Variants in SOHLH1 observed in about 807,000 individuals in gnomAD.
SOHLH1 encodes spermatogenesis- and oogenesis-specific basic helix-loop-helix-containing protein 1.
In SOHLH1, 23 loss-of-function variants were observed where a neutral mutation model predicts 36.2. The observed-to-expected ratio is 0.64, with a 90% CI of 0.46 to 0.90. SOHLH1 has a LOEUF of 0.90. SOHLH1 is among the 40% of genes least tolerant of loss of function. The probability of loss-of-function intolerance (pLI) is 0.00; values close to 1 mark genes in which losing one functional copy is unlikely to be tolerated. For missense variants in SOHLH1, 608 were observed against 517.0 expected (o/e 1.18, Z -1.71); for synonymous variants, 289 against 228.3 (o/e 1.27, Z -2.40).
intron 2 of SOHLH1, among the ~76,000 whole-genome samples, chr9:135,698,677 G>A (rs531485219): frequency 2.0e-5 from 3 of 152,256 alleles, no homozygotes; most frequent in Admixed American, 6.5e-5. Flanking sequence ...GGACCTCGGC[G>A]ACAGGCTGTC....
chr9:135,697,967 G>T (rs1257090733), intron 3 of SOHLH1, among the ~76,000 whole-genome samples: 6 of 42,592 alleles, frequency 1.4e-4, no homozygotes, highest in Non-Finnish European at 2.2e-4. Flanking sequence ...AGAGGGGAGA[G>T]GAGCCTCTCT....
chr9:135,698,615 G>A (rs1834905632), intron 2 of SOHLH1, 139 bp from the exon 3 acceptor site: 1 of 1,259,032 alleles, frequency 7.9e-7, no homozygotes, highest in Non-Finnish European at 1.1e-6. Flanking sequence ...AGCTGCCCCC[G>A]TGGTCTGAAG....
Position 135,695,281 on chromosome 9 carries a change from T to C in SOHLH1, c.662-18A>G, listed in dbSNP as rs766856400. The C allele has an allele frequency of 7.0e-6, 11 of 1,576,748 alleles. No homozygotes were observed. In the Admixed American group the frequency reaches 2.0e-4, roughly 29 times the overall value. On this transcript the variant is annotated intron_variant, in intron 5 of 7. Transcript: ENST00000425225. ...GGAAGGTTCTGGGAGAGAAGTCAGA[T>C]GCGGGTCAGCCTTCCCTGCCCAGCC...
At chr9:135,697,316 G>A (rs973958390) in intron 4 of SOHLH1, among the ~76,000 whole-genome samples, 190 bp downstream of exon 4, 1 of 152,146 alleles carries the variant, frequency 6.6e-6, no homozygotes, top group Non-Finnish European at 1.5e-5. Flanking sequence ...CTCCCCCCTT[G>A]CTGGAGCTCG....
rs1294015755 is a variant in SOHLH1 at position 135,698,231 on chromosome 9, G to A, written c.345+98C>T. On this transcript the variant is annotated intron_variant, in intron 3 of 7. Coordinates refer to ENST00000425225, the MANE Select transcript of SOHLH1 (RefSeq NM_001101677.2). ...AGCCGTGGAGACCCAGAGGGCTGAA[G>A]GAGACGGGGATGACAGGGGACACAC... is the stretch of plus-strand genomic sequence containing the variant. The A allele has an allele frequency of 1.4e-5, 22 of 1,550,214 alleles. No individual in the cohort carries two copies. The East Asian group carries it at 3.4e-4, about 24-fold the overall frequency.
At position 135,695,217 on chromosome 9, in the gene SOHLH1, C is replaced by G; in HGVS notation, c.708G>C (p.Lys236Asn). 6.2e-7 allele frequency: 1 copy of G among 1,605,322 alleles called. No individual in the cohort carries two copies. The highest frequency in any genetic ancestry group is 8.5e-7 in the Non-Finnish European group (1 of 1,177,514). ...GCCAGGACAGGGGTGGCCTCACAGCCTTAGGAAGACTCCGGCCTGGGGGCC... is the reference window on the plus strand; with the variant it reads ...GCCAGGACAGGGGTGGCCTCACAGCGTTAGGAAGACTCCGGCCTGGGGGCC... ...VPWPPGRSLP[K>N]AVRPPLSWPP... The change falls in exon 6 of 8, where the codon AAG becomes AAC. Residue 236 changes from lysine (K) to asparagine (N), a missense_variant. Coordinates refer to ENST00000425225, the MANE Select transcript of SOHLH1 (RefSeq NM_001101677.2).
intron 7 of SOHLH1, chr9:135,694,141 G>A (rs962476199): frequency 7.0e-7 from 1 of 1,434,356 alleles, no homozygotes; most frequent in Non-Finnish European, 9.1e-7. Context: ...GAAGAATACA[G>A]GGCTCCAAGC....
chr9:135,699,626 C>G, upstream of SOHLH1: 1 of 778,030 alleles, frequency 1.3e-6, no homozygotes, highest in Non-Finnish European at 2.1e-6. Flanking sequence ...TAGCCCTCCC[C>G]ACGCAGCCAG....
chr9:135,698,559 A>G, intron 2 of SOHLH1, 83 bp from the exon 3 acceptor site: 1 of 1,596,752 alleles, frequency 6.3e-7, no homozygotes, highest in Non-Finnish European at 8.6e-7. Context: ...CCTGCCAGAT[A>G]GACCCTGGGC....
rs1309045014 is a variant in SOHLH1, at chr9:135,699,405, G to A, written c.63C>T (p.Cys21=). The A allele has an allele frequency of 2.5e-6, 4 of 1,611,488 alleles. 1 individual carries two copies. In the South Asian group the frequency reaches 4.4e-5, roughly 18 times the overall value. Residue 21 remains cysteine, a splice_region_variant and synonymous_variant, in exon 1 of 8, where the codon TGC becomes TGT. Coordinates refer to ENST00000425225, the MANE Select transcript of SOHLH1 (RefSeq NM_001101677.2). ...TGGCCGCCAGCCCAATTCCTCACTT[G>A]CATCCCCTGACGGTAGGGATTCTGG... ...EVSRIPTVRG[C]NGSLSGALSC...
In SOHLH1 at chr9:135,695,050, C is replaced by G; in HGVS notation, c.875G>C (p.Gly292Ala). 3 of 1,590,550 alleles carry G rather than the reference C, an allele frequency of 1.9e-6. No individual in the cohort carries two copies. Among genetic ancestry groups the G allele is most frequent in the Non-Finnish European group, 1.7e-6 (2 of 1,170,868 alleles). Residue 292 changes from glycine to alanine, a missense_variant and splice_region_variant, in exon 6 of 8, where the codon GGG becomes GCG. Gly to Ala is a moderately conservative substitution (Grantham distance 60). Coordinates refer to ENST00000425225, the MANE Select transcript of SOHLH1 (RefSeq NM_001101677.2). ...KEDPMLAQEAGSALGSDVDDG... is the reference protein window; with the variant it reads ...KEDPMLAQEAASALGSDVDDG... ...GCGTGCACACCACCTGGGCACTCAC[C>G]CGGCCTCCTGCGCCAGCATGGGGTC...
Position 135,694,436 on chromosome 9 carries a change from C to T in SOHLH1, c.897G>A (p.Val299=). The change falls in exon 7 of 8, where the codon GTG becomes GTA. Residue 299 remains valine, a synonymous_variant. Transcript: ENST00000425225. The stretch of plus-strand genomic sequence containing the variant: ...TCAGCAGGAAGGACGTCCCATCGTC[C>T]ACATCAGACCCCAACGCAGACCTGG... ...QEAGSALGSD[V]DDGTSFLLTA... 1 of 1,613,192 alleles carries T rather than the reference C, an allele frequency of 6.2e-7. No homozygotes were observed. The highest frequency in any genetic ancestry group is 1.1e-5 in the South Asian group (1 of 91,078).
rs764239665 is a variant in SOHLH1, at chr9:135,695,061, C to T, written c.864G>A (p.Ala288=). 2.8e-5 allele frequency: 44 copies of T among 1,594,588 alleles called. No homozygotes were observed. The highest frequency in any genetic ancestry group is 2.1e-4 in the Admixed American group (12 of 58,522). Residue 288 remains alanine (A), a synonymous_variant, in exon 6 of 8, where the codon GCG becomes GCA. Transcript: ENST00000425225. ...ACCTGGGCACTCACCCGGCCTCCTG[C>T]GCCAGCATGGGGTCCTCCTTGGCTG... The part of the protein sequence containing the change: ...GEPAKEDPML[A]QEAGSALGSD...
chr9:135,701,317 C>T (rs1046685315), upstream of SOHLH1, among the ~76,000 whole-genome samples: 3 of 152,146 alleles, frequency 2.0e-5, no homozygotes, highest in Non-Finnish European at 4.4e-5. Context: ...AGGCCAGGGA[C>T]CACAAAGTAC....
At position 135,697,961 on chromosome 9, in the gene SOHLH1, G is replaced by C. The variant is rs928039705; in HGVS notation, c.346-334C>G. ...CCAGAGCCCCCAGAGCCTTGGAGAG[G>C]GGAGAGGAGCCTCTCTCTTGGAGAC... On this transcript the variant is annotated intron_variant, in intron 3 of 7. Transcript: ENST00000425225. Among the ~76,000 whole-genome samples the C allele has an allele frequency of 1.1e-4, 7 of 64,938 alleles. No individual in the cohort carries two copies. The Admixed American group carries it at 1.2e-3, about 11-fold the overall frequency. The allele number at this position is 64,938 out of a possible 152,430, so 42.6% of individuals were successfully genotyped here.
chr9:135,698,401 G>T lies in SOHLH1; in HGVS notation c.273C>A (p.Ala91=). Residue 91 remains alanine, a synonymous_variant, in exon 3 of 8, where the codon GCC becomes GCA. Coordinates refer to ENST00000425225, the MANE Select transcript of SOHLH1 (RefSeq NM_001101677.2). ...PQFDGRREDM[A]SVLEMSVQFL... ...ACTGCACAGACATCTCCAGGACCGA[G>T]GCCATGTCCTCCCGCCGGCCATCGA... 6.2e-7 allele frequency: 1 copy of T among 1,613,154 alleles called. No individual in the cohort carries two copies. The highest frequency in any genetic ancestry group is 8.5e-7 in the Non-Finnish European group (1 of 1,180,038).
At chr9:135,695,963 C>T (rs1372332060) in intron 5 of SOHLH1, among the ~76,000 whole-genome samples, 1 of 152,188 alleles carries the variant, frequency 6.6e-6, no homozygotes, top group Admixed American at 6.5e-5. Context: ...GATGGGGCGC[C>T]CCGGGGAAAA....
intron 5 of SOHLH1, 134 bp downstream of exon 5, chr9:135,696,478 T>G (rs2131291089): frequency 1.9e-6 from 2 of 1,046,428 alleles, no homozygotes; most frequent in African/African-American, 3.3e-5. Flanking sequence ...AACACGTGGG[T>G]TTCTCACCAA....
chr9:135,696,021 G>A (rs1373804564), intron 5 of SOHLH1, among the ~76,000 whole-genome samples: 1 of 151,886 alleles, frequency 6.6e-6, no homozygotes, highest in East Asian at 1.9e-4. Flanking sequence ...GCGGGTGAGA[G>A]AAGCAGGGCC....
Sources: allele counts gnomAD v4.1 joint callset (sites outside exome capture counted in the v4.1 genomes callset), GRCh38; gene constraint gnomAD v4.1.1; transcripts MANE v1.5; gene names NCBI Gene and HGNC (gene_info 2026-07-23, HGNC 2026-07-21).